Variants in PCDHGA1 observed in about 807,000 individuals in gnomAD.
PCDHGA1 encodes the protein protocadherin gamma subfamily A, 1.
A neutral mutation model predicts 58.0 loss-of-function variants in PCDHGA1; 32 were observed. The observed-to-expected ratio is 0.55, with a 90% CI of 0.42 to 0.74. The LOEUF is 0.74. Among genes scored for constraint, PCDHGA1 ranks in the 30% least tolerant of loss-of-function variants. The probability of loss-of-function intolerance (pLI) is 0.00; values close to 1 mark genes in which losing one functional copy is unlikely to be tolerated. For synonymous variants in PCDHGA1, 498 were observed against 501.1 expected, an observed-to-expected ratio of 0.99 and a Z score of 0.08; for missense variants, 1,205 against 1,182.3, an observed-to-expected ratio of 1.02 and a Z score of -0.28.
intron 1 of PCDHGA1, chr5:141,362,450 C>T (rs766571642): frequency 1.2e-6 from 2 of 1,614,050 alleles, no homozygotes; most frequent in Non-Finnish European, 1.7e-6. Context: ...AACATAACCC[C>T]GGAATTGGTT....
At chr5:141,382,462 TA>T (rs1346990551) in intron 1 of PCDHGA1, among the ~76,000 whole-genome samples, 1 of 152,240 alleles carries the variant, frequency 6.6e-6, no homozygotes, top group East Asian at 1.9e-4. Flanking sequence ...AGCAGTTTTT[TA>T]AAAATTATCT....
At chr5:141,464,680 A>G (rs747974832) in intron 1 of PCDHGA1, among the ~76,000 whole-genome samples, 3 of 152,144 alleles carry the variant, frequency 2.0e-5, no homozygotes, top group Non-Finnish European at 4.4e-5. Flanking sequence ...TTTTAATTAA[A>G]ATTTCTCTTA....
intron 1 of PCDHGA1, chr5:141,374,861 C>T (rs1252622215): frequency 1.9e-6 from 3 of 1,613,638 alleles, no homozygotes; most frequent in Non-Finnish European, 2.5e-6. Flanking sequence ...AGTAGGCACA[C>T]CAGTGTTGGC....
chr5:141,399,008 G>GC, intron 1 of PCDHGA1: 1 of 1,613,904 alleles, frequency 6.2e-7, no homozygotes, highest in Non-Finnish European at 8.5e-7. Flanking sequence ...AATTCAAAGA[G>GC]CGGAGAAATT....
At position 141,494,704 on chromosome 5, in the gene PCDHGA1, T is replaced by C. The variant is rs2099756232; in HGVS notation, c.2422-103T>C. Reference sequence around the variant, plus strand: ...CCCCCTCTTAGTCCGTTTTCTTCTCTGTGCCCACTCCCCTCCTTCTCTCCC... The same window carrying C: ...CCCCCTCTTAGTCCGTTTTCTTCTCCGTGCCCACTCCCCTCCTTCTCTCCC... On this transcript the variant is annotated intron_variant, in intron 1 of 3. Transcript: ENST00000517417. The C allele has an allele frequency of 3.1e-6, 5 of 1,597,570 alleles. No individual in the cohort carries two copies. The Admixed American group carries it at 8.5e-5, about 27-fold the overall frequency.
At chr5:141,402,353 GA>G (rs1261209598) in intron 1 of PCDHGA1, among the ~76,000 whole-genome samples, 2 of 151,844 alleles carry the variant, frequency 1.3e-5, no homozygotes, top group Non-Finnish European at 2.9e-5. Context: ...AATTAAAAAT[GA>G]ATGTACTTCC....
intron 2 of PCDHGA1, among the ~76,000 whole-genome samples, chr5:141,496,744 T>C (rs1383447795): frequency 6.6e-6 from 1 of 152,170 alleles, no homozygotes; most frequent in Non-Finnish European, 1.5e-5. Context: ...GTTCATTTAT[T>C]CAACAAATAT....
intron 1 of PCDHGA1, chr5:141,383,437 C>T (rs965503415): frequency 6.3e-5 from 101 of 1,613,860 alleles, no homozygotes; most frequent in Non-Finnish European, 8.4e-5. Flanking sequence ...CCACTTCTCC[C>T]TGGCTGTGCA....
chr5:141,366,765 T>G (rs373961637), intron 1 of PCDHGA1: 1 of 1,604,708 alleles, frequency 6.2e-7, no homozygotes, highest in East Asian at 2.2e-5. Flanking sequence ...AGTTTTCTCT[T>G]TCGGTAAGGA....
intron 3 of PCDHGA1, among the ~76,000 whole-genome samples, 193 bp downstream of exon 3, chr5:141,505,674 G>C (rs1482125302): frequency 6.6e-6 from 1 of 152,192 alleles, no homozygotes; most frequent in East Asian, 1.9e-4. Context: ...GGGGTTGGGG[G>C]TCCTGGGATG....
intron 1 of PCDHGA1, chr5:141,383,195 G>C: frequency 2.5e-6 from 4 of 1,614,044 alleles, no homozygotes; most frequent in Non-Finnish European, 3.4e-6. Flanking sequence ...TGCGCTCAGA[G>C]TGCGCGGTGT....
chr5:141,408,155 C>T (rs1355335396), intron 1 of PCDHGA1: 2 of 1,511,456 alleles, frequency 1.3e-6, no homozygotes, highest in Non-Finnish European at 1.8e-6. Flanking sequence ...GTAGAGTGCA[C>T]TTTCTCCAAC....
At chr5:141,376,372 G>T in intron 1 of PCDHGA1, 1 of 1,614,182 alleles carries the variant, frequency 6.2e-7, no homozygotes, top group Non-Finnish European at 8.5e-7. Flanking sequence ...CTGCAGACTC[G>T]CGTAAGAGTC....
At chr5:141,478,496 C>G in intron 1 of PCDHGA1, 1 of 1,613,014 alleles carries the variant, frequency 6.2e-7, no homozygotes, top group Non-Finnish European at 8.5e-7. Flanking sequence ...GAGCTGTGAT[C>G]CGGTGTTCTA....
At chr5:141,447,520 T>C (rs1156521785) in intron 1 of PCDHGA1, among the ~76,000 whole-genome samples, 1 of 152,202 alleles carries the variant, frequency 6.6e-6, no homozygotes, top group Non-Finnish European at 1.5e-5. Context: ...ATAACAATCA[T>C]AACAAAATTG....
At chr5:141,410,535 A>T (rs2095405545) in intron 1 of PCDHGA1, 9 of 1,613,752 alleles carry the variant, frequency 5.6e-6, no homozygotes, top group Non-Finnish European at 7.6e-6. Context: ...TCCAATGAAG[A>T]CATGGTTTGC....
At chr5:141,388,860 A>T (rs781769294) in intron 1 of PCDHGA1, 2 of 1,613,902 alleles carry the variant, frequency 1.2e-6, no homozygotes, top group South Asian at 2.2e-5. Flanking sequence ...TGGAGGAATG[A>T]TTGCGCAATG....
intron 1 of PCDHGA1, chr5:141,442,360 G>A (rs890049391): frequency 6.6e-6 from 1 of 152,272 alleles, no homozygotes; most frequent in African/African-American, 2.4e-5. Flanking sequence ...GTAGCTCTAT[G>A]ATGCCATATT....
At chr5:141,346,224 G>A in intron 1 of PCDHGA1, 3 of 1,614,182 alleles carry the variant, frequency 1.9e-6, no homozygotes, top group South Asian at 1.1e-5. Context: ...TTCGGGAGGC[G>A]GCTTGGCGAG....
Sources: gnomAD v4.1 joint callset for allele counts (sites outside exome capture counted in the v4.1 genomes callset) on GRCh38, gnomAD v4.1.1 for gene constraint, MANE v1.5 for transcripts, NCBI Gene and HGNC (gene_info 2026-07-23, HGNC 2026-07-21) for gene names.